Variants in FZD3 observed in about 807,000 individuals in gnomAD.
FZD3 encodes the protein frizzled class receptor 3.
Under a neutral mutation model 60.7 loss-of-function variants are expected in FZD3, and 30 were observed. That is an observed-to-expected ratio of 0.49 (90% CI 0.37 to 0.67). The LOEUF is 0.67. Among genes scored for constraint, FZD3 ranks in the 30% least tolerant of loss-of-function variants. The pLI, the probability that FZD3 is intolerant of heterozygous loss-of-function variation, is 0.00. For synonymous variants in FZD3, 246 were observed against 275.2 expected (o/e 0.89, Z 1.05); for missense variants, 605 against 838.7 (o/e 0.72, Z 3.44).
intron 1 of FZD3, among the ~76,000 whole-genome samples, chr8:28,498,284 C>CG (rs1803898236): frequency 6.6e-6 from 1 of 152,074 alleles, no homozygotes; most frequent in African/African-American, 2.4e-5. Flanking sequence ...AGGTCCCCCC[C>CG]CTTTTTTTTT....
rs1804741326 is a variant in FZD3, at chr8:28,527,383, T to C, written c.623T>C (p.Leu208Ser). The change falls in exon 5 of 8, where the codon TTG becomes TCG. Residue 208 changes from leucine to serine, a missense_variant. Leu to Ser is a moderately radical substitution (Grantham distance 145). Coordinates refer to ENST00000240093, the MANE Select transcript of FZD3 (RefSeq NM_017412.4). This position sits in a 1 kb window ranked among gnomAD's most constrained non-coding sequence, Gnocchi z 5.0. ...ELSFARYFIG[L>S]ISIICLSATL... ...TCATTTGCTCGCTATTTCATAGGAT[T>C]GATTTCAATCATTTGCCTCTCGGCC... 6 of 1,614,042 alleles carry C rather than the reference T, an allele frequency of 3.7e-6. No individual in the cohort carries two copies. Among genetic ancestry groups the C allele is most frequent in the Non-Finnish European group, 5.1e-6 (6 of 1,179,856 alleles).
intron 3 of FZD3, among the ~76,000 whole-genome samples, chr8:28,508,281 G>A (rs963471484): frequency 6.6e-5 from 10 of 151,954 alleles, no homozygotes; most frequent in South Asian, 6.2e-4. Context: ...ATAAAATTCC[G>A]CGTCAAACTC....
At chr8:28,550,481 C>CTTTTTTTTTTTTTTTTTTT (rs386412443) in intron 5 of FZD3, among the ~76,000 whole-genome samples, 37 of 34,344 alleles carry the variant, frequency 1.1e-3, no homozygotes, top group African/African-American at 1.5e-3. Flanking sequence ...CTTCTTTTAT[C>CTTTTTTTTTTTTTTTTTTT]TTTTTTTTTT....
chr8:28,551,831 C>A, intron 6 of FZD3, 80 bp downstream of exon 6: 1 of 1,113,314 alleles, frequency 9.0e-7, no homozygotes, highest in Non-Finnish European at 1.3e-6. Context: ...GTTAAAATGA[C>A]TTGGATTTGG....
intron 6 of FZD3, among the ~76,000 whole-genome samples, chr8:28,552,457 T>G (rs1805430430): frequency 1.3e-5 from 2 of 152,278 alleles, no homozygotes; most frequent in Middle Eastern, 3.4e-3. Context: ...ACAAGACCCT[T>G]CAGTTTTCAC....
intron 4 of FZD3, among the ~76,000 whole-genome samples, chr8:28,526,022 G>A (rs1055310833): frequency 6.6e-6 from 1 of 152,152 alleles, no homozygotes; most frequent in African/African-American, 2.4e-5. Flanking sequence ...AGGAGTGGAA[G>A]TCAAGAATTT....
chr8:28,516,335 G>A (rs1056498892), intron 3 of FZD3, among the ~76,000 whole-genome samples: 5 of 152,068 alleles, frequency 3.3e-5, no homozygotes, highest in Non-Finnish European at 4.4e-5. Context: ...GAAAATATGC[G>A]TACTCCAATT....
At chr8:28,555,685 T>C (rs183005474) in intron 6 of FZD3, 53 bp from the exon 7 acceptor site, 1 of 982,060 alleles carries the variant, frequency 1.0e-6, no homozygotes, top group Admixed American at 1.8e-5. Context: ...GTATTGCTTA[T>C]TGGTCTGAAG....
chr8:28,500,001 T>A (rs1321642794), intron 2 of FZD3, 23 bp downstream of exon 2: 1 of 152,218 alleles, frequency 6.6e-6, no homozygotes, highest in African/African-American at 2.4e-5. Context: ...ATGCATATCA[T>A]TCTCCAGGAT....
At chr8:28,524,563 T>C (rs1804667399) in intron 4 of FZD3, among the ~76,000 whole-genome samples, 1 of 152,236 alleles carries the variant, frequency 6.6e-6, no homozygotes, top group South Asian at 2.1e-4. Flanking sequence ...AAGAGAACTA[T>C]TGTGATCTGT....
At chr8:28,502,258 T>C (rs561594799) in intron 2 of FZD3, among the ~76,000 whole-genome samples, 33 of 152,320 alleles carry the variant, frequency 2.2e-4, no homozygotes, top group African/African-American at 7.9e-4. Flanking sequence ...TACAAAAATA[T>C]ACTATTAAAG....
intron 2 of FZD3, among the ~76,000 whole-genome samples, chr8:28,501,838 C>T (rs1029200821): frequency 1.3e-5 from 2 of 152,000 alleles, no homozygotes; most frequent in African/African-American, 2.4e-5. Flanking sequence ...AATGACCGTT[C>T]GTTGATGAAA....
At chr8:28,515,799 AATT>A (rs1420727284) in intron 3 of FZD3, among the ~76,000 whole-genome samples, 1 of 152,172 alleles carries the variant, frequency 6.6e-6, no homozygotes. Flanking sequence ...AGCTGAAACC[AATT>A]ATTATTTTAG....
At chr8:28,521,718 T>C (rs1213679631) in intron 4 of FZD3, among the ~76,000 whole-genome samples, 1 of 152,208 alleles carries the variant, frequency 6.6e-6, no homozygotes, top group Non-Finnish European at 1.5e-5. Flanking sequence ...ATACAGCTTT[T>C]TTGTATGTAT....
Position 28,555,753 on chromosome 8 carries a change from C to G in FZD3, c.1569C>G (p.Ser523Arg), listed in dbSNP as rs1396681539. 6.2e-7 allele frequency: 1 copy of G among 1,604,498 alleles called. No homozygotes were observed. Among genetic ancestry groups the G allele is most frequent in the Non-Finnish European group, 8.5e-7 (1 of 1,171,228 alleles). Residue 523 changes from serine (S) to arginine (R), a missense_variant, in exon 7 of 8, where the codon AGC becomes AGG. Transcript: ENST00000240093. Reference protein sequence around the residue: ...GRRKKEIVNESRQVLQEPDFA... With the variant: ...GRRKKEIVNERRQVLQEPDFA... ...TGTTGTCTAGGATAGTGAATGAGAG[C>G]CGACAGGTACTCCAGGAACCTGATT... is the stretch of plus-strand genomic sequence containing the variant.
In FZD3 at chr8:28,562,783, A is replaced by G; in HGVS notation, c.1788-15A>G. ...TGTGTTCTGTTACCCACTTCAAAAT[A>G]AACTCTCATGACAGGTACACGCCCT... On this transcript the variant is annotated splice_polypyrimidine_tract_variant and intron_variant, in intron 7 of 7. Coordinates refer to ENST00000240093, the MANE Select transcript of FZD3 (RefSeq NM_017412.4). 6.6e-7 allele frequency: 1 copy of G among 1,505,010 alleles called. No homozygotes were observed. The highest frequency in any genetic ancestry group is 9.2e-7 in the Non-Finnish European group (1 of 1,089,686). 93.2% of individuals were successfully genotyped at this position (1,505,010 alleles called of 1,614,324 possible). A position where few individuals can be genotyped will look rare whatever the true frequency, so the allele number is the denominator to read the frequency against.
intron 5 of FZD3, among the ~76,000 whole-genome samples, chr8:28,540,350 C>T (rs1037632320): frequency 6.6e-6 from 1 of 152,144 alleles, no homozygotes; most frequent in Admixed American, 6.5e-5. Context: ...ATGTCTCAGC[C>T]TTCCGAGTAG....
Position 28,527,668 on chromosome 8 carries a change from G to T in FZD3, c.908G>T (p.Trp303Leu). The change falls in exon 5 of 8, where the codon TGG (tryptophan) becomes TTG (leucine). Residue 303 changes from tryptophan to leucine, a missense_variant. Physicochemically the swap from Trp to Leu is moderately conservative, Grantham distance 61. Transcript: ENST00000240093. The surrounding 1 kb of genome is among the most constrained non-coding windows in gnomAD (Gnocchi z 5.0). ...TTTTTTACTATGGCTGGCAGTGTAT[G>T]GTGGGTAATTCTTACCATCACATGG... is the stretch of plus-strand genomic sequence containing the variant. ...LYFFTMAGSV[W>L]WVILTITWFL... 6.2e-7 allele frequency: 1 copy of T among 1,614,056 alleles called. No homozygotes were observed. Among genetic ancestry groups the T allele is most frequent in the Non-Finnish European group, 8.5e-7 (1 of 1,179,988 alleles).
intron 5 of FZD3, among the ~76,000 whole-genome samples, chr8:28,536,997 T>C (rs1805032852): frequency 6.6e-6 from 1 of 152,190 alleles, no homozygotes. Context: ...TGTATAAATA[T>C]GTAGTACTAC....
Sources: allele counts gnomAD v4.1 joint callset (sites outside exome capture counted in the v4.1 genomes callset), GRCh38; gene constraint gnomAD v4.1.1; non-coding constraint Gnocchi (gnomAD v3.1); transcripts MANE v1.5; gene names NCBI Gene and HGNC (gene_info 2026-07-23, HGNC 2026-07-21).